EXOC6: variants seen among roughly 807,000 people sequenced by gnomAD.
The protein encoded by EXOC6 is exocyst complex component 6, also known as SEC15-like 1.
Under a neutral mutation model 112.5 loss-of-function variants are expected in EXOC6, and 60 were observed. The ratio of observed to expected loss-of-function variants is 0.53; its 90% CI spans 0.43 to 0.66. The LOEUF is 0.66. EXOC6 is among the 30% of genes least tolerant of loss of function. The pLI, the probability that EXOC6 is intolerant of heterozygous loss-of-function variation, is 0.00. For synonymous variants in EXOC6, 295 were observed against 308.0 expected (o/e 0.96, Z 0.44); for missense variants, 855 against 957.1 (o/e 0.89, Z 1.41).
chr10:92,980,652 T>G lies in EXOC6; in HGVS notation c.1953+6420T>G, dbSNP rs1422901909. 2.0e-5 allele frequency among the ~76,000 whole-genome samples: 3 copies of G among 152,228 alleles called. No individual in the cohort carries two copies. In the East Asian group the frequency reaches 5.8e-4, roughly 29 times the overall value. On this transcript the variant is annotated intron_variant, in intron 18 of 21. Coordinates refer to ENST00000260762, the MANE Select transcript of EXOC6 (RefSeq NM_019053.6). ...ATCATTATTATAGCTTGAGTTGCAGTGCTTACAATTGCTAACAGTCAGATG... is the reference window on the plus strand; with the variant it reads ...ATCATTATTATAGCTTGAGTTGCAGGGCTTACAATTGCTAACAGTCAGATG...
At chr10:92,847,807 T>G (rs1253360486), upstream of EXOC6, among the ~76,000 whole-genome samples, 1 of 149,968 alleles carries the variant, frequency 6.7e-6, no homozygotes, top group Non-Finnish European at 1.5e-5. Flanking sequence ...TTCACGGACT[T>G]TGGTATGAAT....
At chr10:92,992,961 T>G (rs1234268630) in intron 18 of EXOC6, among the ~76,000 whole-genome samples, 2 of 151,810 alleles carry the variant, frequency 1.3e-5, no homozygotes, top group African/African-American at 4.8e-5. Flanking sequence ...CTTCTTTTGC[T>G]TCTGAAAAAG....
chr10:93,008,977 C>T (rs1057037617), intron 19 of EXOC6, among the ~76,000 whole-genome samples: 9 of 152,108 alleles, frequency 5.9e-5, no homozygotes, highest in Non-Finnish European at 8.8e-5. Flanking sequence ...CTCAGCACTT[C>T]GAGAGGCCAG....
At chr10:92,887,247 C>T (rs1185113548) in intron 1 of EXOC6, among the ~76,000 whole-genome samples, 1 of 152,024 alleles carries the variant, frequency 6.6e-6, no homozygotes, top group South Asian at 2.1e-4. Context: ...ACATGTCCAC[C>T]TTTTCTCCTT....
chr10:93,022,990 CTT>C (rs768020281), intron 20 of EXOC6, among the ~76,000 whole-genome samples: 6 of 123,894 alleles, frequency 4.8e-5, no homozygotes, highest in African/African-American at 8.7e-5. Flanking sequence ...ACTTTTCCTT[CTT>C]TTTTTTTTTT....
At chr10:92,964,895 C>A (rs1268157552) in intron 17 of EXOC6, among the ~76,000 whole-genome samples, 2 of 152,224 alleles carry the variant, frequency 1.3e-5, no homozygotes, top group African/African-American at 4.8e-5. Flanking sequence ...CTGTCTCAGT[C>A]TGGTAGCAAA....
chr10:93,014,764 A>T (rs1018182425), intron 20 of EXOC6, among the ~76,000 whole-genome samples: 4 of 152,198 alleles, frequency 2.6e-5, no homozygotes, highest in Non-Finnish European at 4.4e-5. Context: ...TAAAAATGTA[A>T]TGAGACATTT....
chr10:92,871,886 T>C (rs1159200894), intron 1 of EXOC6, among the ~76,000 whole-genome samples: 2 of 152,142 alleles, frequency 1.3e-5, no homozygotes, highest in Non-Finnish European at 2.9e-5. Context: ...CTAATTTTAG[T>C]ATTTTTTGTA....
intron 13 of EXOC6, among the ~76,000 whole-genome samples, chr10:92,942,434 A>G (rs941771387): frequency 2.6e-5 from 4 of 152,098 alleles, no homozygotes; most frequent in Non-Finnish European, 4.4e-5. Context: ...TCATAAGGTG[A>G]TACACATCTA....
intron 20 of EXOC6, among the ~76,000 whole-genome samples, chr10:93,037,083 GA>G (rs1295464190): frequency 6.6e-6 from 1 of 151,724 alleles, no homozygotes; most frequent in African/African-American, 2.4e-5. Flanking sequence ...ACTCAACAAG[GA>G]GCTATATCTT....
At chr10:93,039,964 G>A (rs1308052157) in intron 20 of EXOC6, among the ~76,000 whole-genome samples, 1 of 152,158 alleles carries the variant, frequency 6.6e-6, no homozygotes, top group Middle Eastern at 3.2e-3. Context: ...TGAGATTCGT[G>A]TTCCCCTGGT....
intron 18 of EXOC6, among the ~76,000 whole-genome samples, chr10:92,979,260 A>G (rs928375006): frequency 1.3e-5 from 2 of 152,152 alleles, no homozygotes; most frequent in African/African-American, 4.8e-5. Flanking sequence ...TCGAGGTTCA[A>G]GCGATTCTCC....
intron 20 of EXOC6, among the ~76,000 whole-genome samples, chr10:93,038,895 G>T (rs1416805009): frequency 6.6e-6 from 1 of 152,212 alleles, no homozygotes; most frequent in East Asian, 1.9e-4. Context: ...ACTTTAGGAA[G>T]TTATCAATGG....
chr10:92,903,551 G>A (rs7914571), intron 5 of EXOC6, among the ~76,000 whole-genome samples: 73,658 of 151,538 alleles, frequency 0.49, 19,258 homozygotes, highest in African/African-American at 0.68. Context: ...ATCTCTAAGT[G>A]TCATAAGTGC....
chr10:92,997,765 C>G, intron 19 of EXOC6, 150 bp downstream of exon 19: 2 of 518,574 alleles, frequency 3.9e-6, no homozygotes, highest in Middle Eastern at 5.4e-4. Flanking sequence ...GGCTAACTTC[C>G]TGAAACAGGA....
At chr10:92,890,812 A>G (rs1849464206) in intron 1 of EXOC6, among the ~76,000 whole-genome samples, 1 of 152,208 alleles carries the variant, frequency 6.6e-6, no homozygotes, top group African/African-American at 2.4e-5. Context: ...AAGTGAGGTC[A>G]GTGAGGTAAC....
At chr10:92,864,543 C>T (rs1261542378) in intron 1 of EXOC6, among the ~76,000 whole-genome samples, 1 of 152,154 alleles carries the variant, frequency 6.6e-6, no homozygotes, top group Non-Finnish European at 1.5e-5. Flanking sequence ...AACATTATTT[C>T]TGGGTGTTCC....
At chr10:92,960,009 G>C (rs765685210) in intron 17 of EXOC6, among the ~76,000 whole-genome samples, 2 of 152,166 alleles carry the variant, frequency 1.3e-5, no homozygotes, top group Non-Finnish European at 2.9e-5. Context: ...GTGCTTCTTG[G>C]TATTTATCCC....
intron 17 of EXOC6, among the ~76,000 whole-genome samples, chr10:92,957,877 A>G (rs549543567): frequency 1.3e-5 from 2 of 152,312 alleles, no homozygotes; most frequent in East Asian, 3.9e-4. Context: ...CGATTGAAGT[A>G]CAGTCTTGGC....
Sources: allele counts gnomAD v4.1 joint callset (sites outside exome capture counted in the v4.1 genomes callset), GRCh38; gene constraint gnomAD v4.1.1; transcripts MANE v1.5; gene names NCBI Gene and HGNC (gene_info 2026-07-23, HGNC 2026-07-21).